Variants in BTD observed in about 807,000 individuals in gnomAD.
BTD encodes biotinidase, also known as biocytinase.
In BTD, 13 loss-of-function variants were observed where a neutral mutation model predicts 17.7. The ratio of observed to expected loss-of-function variants is 0.74; its 90% CI spans 0.48 to 1.17. The LOEUF is 1.17. Among genes scored for constraint, BTD ranks in the 50% most tolerant of loss-of-function variants. The pLI is 0.00. For synonymous variants in BTD, 240 were observed against 245.2 expected, an observed-to-expected ratio of 0.98 and a Z score of 0.20; for missense variants, 674 against 650.4, an observed-to-expected ratio of 1.04 and a Z score of -0.39.
In BTD at chr3:15,644,927, C is replaced by T; in HGVS notation, c.1011C>T (p.Ser337=). Residue 337 remains serine, a synonymous_variant, in exon 4 of 4, where the codon TCC becomes TCT. Transcript: ENST00000643237. ...ATGCAACAGGTGAAACGGACCCATC[C>T]CATAGTAAGTTTTTAAAAATTTTGT... The part of the protein sequence containing the change: ...AENATGETDP[S]HSKFLKILSG... 6.2e-7 allele frequency: 1 copy of T among 1,614,088 alleles called. No homozygotes were observed. The highest frequency in any genetic ancestry group is 1.3e-5 in the African/African-American group (1 of 74,996).
chr3:15,622,261 T>C (rs1369170555), intron 1 of BTD, among the ~76,000 whole-genome samples: 1 of 152,240 alleles, frequency 6.6e-6, no homozygotes, highest in Non-Finnish European at 1.5e-5. Context: ...ACTGATCTTA[T>C]ATCTTAATTC....
chr3:15,714,067 G>A (rs917281575), downstream of BTD, among the ~76,000 whole-genome samples: 6 of 152,098 alleles, frequency 3.9e-5, no homozygotes, highest in Non-Finnish European at 8.8e-5. Context: ...TTATCTTGAG[G>A]ATAAATTTCT....
chr3:15,642,982 G>A (rs1372669401), intron 3 of BTD, among the ~76,000 whole-genome samples: 4 of 147,316 alleles, frequency 2.7e-5, no homozygotes, highest in Non-Finnish European at 3.0e-5. Flanking sequence ...GAGAAAGATC[G>A]CGCCACTGCA....
intron 3 of BTD, chr3:15,694,808 C>T (rs2069296796): frequency 1.9e-6 from 3 of 1,613,106 alleles, no homozygotes; most frequent in African/African-American, 2.7e-5. Context: ...CTGAGGTTTC[C>T]ATTAACTGAA....
chr3:15,714,684 C>T (rs1164560141), downstream of BTD: 2 of 1,511,480 alleles, frequency 1.3e-6, no homozygotes, highest in Admixed American at 2.1e-5. Flanking sequence ...AAATTACTCA[C>T]TCTACTATAT....
At position 15,666,660 on chromosome 3, in the gene BTD, G is replaced by A. The variant is rs560315074; in HGVS notation, c.399+24603G>A. Among the ~76,000 whole-genome samples, 3 of 149,510 alleles carry A rather than the reference G, an allele frequency of 2.0e-5. No individual in the cohort carries two copies. The South Asian group carries it at 6.5e-4, about 32-fold the overall frequency. On this transcript the variant is annotated intron_variant, in intron 3 of 3. Transcript: ENST00000672141. ...ACTTCTATTATCTAATCTTGTACGT[G>A]TTTCCAATTAGCTCTCTTGTATATT...
At chr3:15,605,992 A>G (rs953806790) in intron 1 of BTD, among the ~76,000 whole-genome samples, 12 of 150,728 alleles carry the variant, frequency 8.0e-5, no homozygotes, top group African/African-American at 3.0e-4. Flanking sequence ...GCAGTAAACC[A>G]AGATTGCACC....
rs1559403716 is a variant in BTD, at chr3:15,720,851, C to G, written c.1016-919C>G. ...TTCCTTTTTATTGCTCAATGGTATTCACCATTGATGTTGTTTTAACAGTGA... is the reference window on the plus strand; with the variant it reads ...TTCCTTTTTATTGCTCAATGGTATTGACCATTGATGTTGTTTTAACAGTGA... On this transcript the variant is annotated intron_variant, in intron 4 of 4. Transcript: ENST00000672427. 3 of 1,365,180 alleles carry G rather than the reference C, an allele frequency of 2.2e-6. No homozygotes were observed. The East Asian group carries it at 7.0e-5, about 32-fold the overall frequency. 84.6% of individuals were successfully genotyped at this position (1,365,180 alleles called of 1,614,324 possible).
chr3:15,676,694 C>T (rs555212629), intron 3 of BTD: 40 of 274,188 alleles, frequency 1.5e-4, no homozygotes, highest in African/African-American at 9.0e-4. Context: ...ACAGAATACA[C>T]AAAATAGTAC....
In BTD at chr3:15,649,469, T is replaced by A. The variant is rs2065765401; in HGVS notation, c.*3981T>A. 6.6e-6 allele frequency among the ~76,000 whole-genome samples: 1 copy of A among 152,206 alleles called. No homozygotes were observed. Among genetic ancestry groups the A allele is most frequent in the South Asian group, 2.1e-4 (1 of 4,832 alleles). ...TCCTGCAGGTGGGCTGCCACTCTGC[T>A]CAATCCAAATCACAGCTCTCCCGTT... On this transcript the variant is annotated 3_prime_UTR_variant, in exon 4 of 4. Transcript: ENST00000643237.
intron 3 of BTD, chr3:15,684,268 A>G (rs539265616): frequency 2.6e-5 from 4 of 152,318 alleles, no homozygotes; most frequent in African/African-American, 9.6e-5. Context: ...TAACATCTAT[A>G]ACTTCAAAGT....
At chr3:15,644,152 C>T (rs1314464178) in intron 3 of BTD, among the ~76,000 whole-genome samples, 164 bp from the exon 4 acceptor site, 2 of 152,078 alleles carry the variant, frequency 1.3e-5, no homozygotes, top group Non-Finnish European at 2.9e-5. Flanking sequence ...AGGCATCCAC[C>T]ACCACGCCCG....
At chr3:15,621,030 A>G in intron 1 of BTD, among the ~76,000 whole-genome samples, 1 of 152,370 alleles carries the variant, frequency 6.6e-6, no homozygotes, top group Non-Finnish European at 1.5e-5. Context: ...TCTAACACGC[A>G]AGGGCAGGAG....
At chr3:15,706,453 T>A (rs1472472378) in intron 3 of BTD, among the ~76,000 whole-genome samples, 1 of 152,234 alleles carries the variant, frequency 6.6e-6, no homozygotes, top group Non-Finnish European at 1.5e-5. Context: ...TATTCCATGA[T>A]GTATATGTGC....
chr3:15,663,613 A>G (rs551041473), intron 3 of BTD, among the ~76,000 whole-genome samples: 1 of 152,242 alleles, frequency 6.6e-6, no homozygotes, highest in African/African-American at 2.4e-5. Context: ...GAAGTTGTTC[A>G]TGATATTCCT....
chr3:15,633,674 T>G (rs970230603), intron 1 of BTD, among the ~76,000 whole-genome samples: 1 of 152,222 alleles, frequency 6.6e-6, no homozygotes, highest in African/African-American at 2.4e-5. Flanking sequence ...GTTCATACCC[T>G]CCTCTCCTGG....
At chr3:15,613,551 T>C (rs1024389465) in intron 1 of BTD, among the ~76,000 whole-genome samples, 1 of 151,734 alleles carries the variant, frequency 6.6e-6, no homozygotes, top group East Asian at 1.9e-4. Flanking sequence ...TTCTCCTCCT[T>C]TCCTCCCCTT....
intron 2 of BTD, among the ~76,000 whole-genome samples, chr3:15,637,709 G>A (rs193090336): frequency 5.9e-5 from 9 of 152,322 alleles, no homozygotes; most frequent in Non-Finnish European, 8.8e-5. Flanking sequence ...ATGTTTGCCT[G>A]CATGGCACTG....
downstream of BTD, among the ~76,000 whole-genome samples, chr3:15,714,914 C>A (rs1168187569): frequency 6.6e-6 from 1 of 152,084 alleles, no homozygotes; most frequent in Non-Finnish European, 1.5e-5. Context: ...AAGGATGTGT[C>A]TCCCAAGTTT....
Sources: gnomAD v4.1 joint callset for allele counts (sites outside exome capture counted in the v4.1 genomes callset) on GRCh38, gnomAD v4.1.1 for gene constraint, MANE v1.5 for transcripts, NCBI Gene and HGNC (gene_info 2026-07-23, HGNC 2026-07-21) for gene names.